SPOCK1: variants seen among roughly 807,000 people sequenced by gnomAD.
The protein encoded by SPOCK1 is SPARC (osteonectin), cwcv and kazal like domains proteoglycan 1.
A neutral mutation model predicts 55.3 loss-of-function variants in SPOCK1; 23 were observed. That is an observed-to-expected ratio of 0.42 (90% confidence interval 0.30 to 0.59). SPOCK1 has a LOEUF of 0.59. Ranked by LOEUF, SPOCK1 falls within the 20% of genes least tolerant of loss-of-function variation. The pLI is 0.22. For missense variants in SPOCK1, 499 were observed against 552.5 expected, an observed-to-expected ratio of 0.90 and a Z score of 0.97; for synonymous variants, 226 against 221.0, an observed-to-expected ratio of 1.02 and a Z score of -0.20.
chr5:136,988,272 A>C (rs1750880718), intron 8 of SPOCK1, 150 bp downstream of exon 8: 1 of 630,734 alleles, frequency 1.6e-6, no homozygotes, highest in Admixed American at 2.9e-5. Context: ...ATAAACTGGA[A>C]GAAATGAGAC....
chr5:137,152,927 T>G (rs1309354776), intron 3 of SPOCK1, among the ~76,000 whole-genome samples: 1 of 152,206 alleles, frequency 6.6e-6, no homozygotes, highest in Non-Finnish European at 1.5e-5. Context: ...AGAATTAGAA[T>G]TTGCCGGAGA....
intron 5 of SPOCK1, among the ~76,000 whole-genome samples, chr5:137,105,766 T>C (rs1753351998): frequency 6.6e-6 from 1 of 152,176 alleles, no homozygotes; most frequent in African/African-American, 2.4e-5. Context: ...AGAGAAACAT[T>C]TTCCTCCACA....
chr5:137,469,287 C>T lies in SPOCK1; in HGVS notation c.186+29086G>A, dbSNP rs369934752. On this transcript the variant is annotated intron_variant, in intron 2 of 10. Transcript: ENST00000394945. ...AACATTTTAACTCAGGAAGGAAACA[C>T]GAATATGTAGTCAGCTTTCCAGAAC... Among the ~76,000 whole-genome samples the T allele has an allele frequency of 1.4e-4, 21 of 152,258 alleles. No homozygotes were observed. In the East Asian group the frequency reaches 1.5e-3, roughly 11 times the overall value.
At chr5:136,993,272 C>CCAGA (rs1461085475) in intron 6 of SPOCK1, 1 of 152,244 alleles carries the variant, frequency 6.6e-6, no homozygotes, top group Non-Finnish European at 1.5e-5. Context: ...ACAAGAAAAT[C>CCAGA]CAGACAGATG....
intron 3 of SPOCK1, among the ~76,000 whole-genome samples, chr5:137,197,411 C>T (rs944849923): frequency 8.5e-5 from 13 of 152,164 alleles, no homozygotes; most frequent in Non-Finnish European, 1.9e-4. Context: ...GGCTATGTGA[C>T]CGTGGACAAG....
At chr5:137,008,218 C>G (rs1751287557) in intron 6 of SPOCK1, among the ~76,000 whole-genome samples, 1 of 151,534 alleles carries the variant, frequency 6.6e-6, no homozygotes, top group Non-Finnish European at 1.5e-5. Flanking sequence ...CAGCAAACCA[C>G]CATGGCACAT....
chr5:137,006,480 G>T (rs923773158), intron 6 of SPOCK1, among the ~76,000 whole-genome samples: 1 of 152,142 alleles, frequency 6.6e-6, no homozygotes, highest in Non-Finnish European at 1.5e-5. Context: ...GTGAATGGGA[G>T]TTTGCTCATG....
intron 2 of SPOCK1, among the ~76,000 whole-genome samples, chr5:137,408,493 C>G (rs1255415657): frequency 2.0e-5 from 3 of 152,190 alleles, no homozygotes; most frequent in Non-Finnish European, 4.4e-5. Flanking sequence ...CCTAAGTGCC[C>G]TTGAAACACA....
intron 6 of SPOCK1, among the ~76,000 whole-genome samples, chr5:137,021,400 ATAGT>A (rs537767545): frequency 2.1e-3 from 322 of 152,344 alleles, no homozygotes; most frequent in Non-Finnish European, 2.9e-3. Flanking sequence ...AGTCAATATG[ATAGT>A]TAGCACGAAA....
At chr5:137,164,853 G>A (rs544289269) in intron 3 of SPOCK1, among the ~76,000 whole-genome samples, 1 of 152,318 alleles carries the variant, frequency 6.6e-6, no homozygotes, top group African/African-American at 2.4e-5. Context: ...GGAGGGAAGA[G>A]TGAGAAGGAC....
intron 2 of SPOCK1, among the ~76,000 whole-genome samples, chr5:137,368,828 G>T (rs1003888279): frequency 2.6e-5 from 4 of 152,116 alleles, no homozygotes; most frequent in Non-Finnish European, 5.9e-5. Context: ...CATGTGGTCC[G>T]CTCCCTTATT....
chr5:137,157,400 A>G (rs1410195524), intron 3 of SPOCK1, among the ~76,000 whole-genome samples: 1 of 152,194 alleles, frequency 6.6e-6, no homozygotes, highest in Non-Finnish European at 1.5e-5. Flanking sequence ...GCATCTGAGT[A>G]ATTAATTTAG....
intron 2 of SPOCK1, among the ~76,000 whole-genome samples, chr5:137,294,382 T>C (rs1757436659): frequency 6.6e-6 from 1 of 152,228 alleles, no homozygotes; most frequent in African/African-American, 2.4e-5. Context: ...TTACGTTTTA[T>C]AGGTGAAGAG....
intron 3 of SPOCK1, among the ~76,000 whole-genome samples, chr5:137,145,491 C>T (rs956826772): frequency 1.1e-4 from 16 of 152,206 alleles, no homozygotes; most frequent in Non-Finnish European, 1.6e-4. Flanking sequence ...CTTGATACCA[C>T]CTCAGAGATG....
At chr5:137,325,796 T>G (rs1309723959) in intron 2 of SPOCK1, among the ~76,000 whole-genome samples, 1 of 152,174 alleles carries the variant, frequency 6.6e-6, no homozygotes, top group African/African-American at 2.4e-5. Context: ...TGATGGGCAG[T>G]GGTAGTTTAC....
At position 137,398,775 on chromosome 5, in the gene SPOCK1, T is replaced by C. The variant is rs543445038; in HGVS notation, c.186+99598A>G. On this transcript the variant is annotated intron_variant, in intron 2 of 10. Coordinates refer to ENST00000394945, the MANE Select transcript of SPOCK1 (RefSeq NM_004598.4). The stretch of plus-strand genomic sequence containing the variant: ...AAGTGATCGATAAAATCTAATACTA[T>C]AACACTTGTTTATTCCTGCAAATGA... Among the ~76,000 whole-genome samples the C allele has an allele frequency of 4.6e-5, 7 of 152,334 alleles. No homozygotes were observed. In the South Asian group the frequency reaches 1.5e-3, roughly 32 times the overall value.
intron 2 of SPOCK1, among the ~76,000 whole-genome samples, chr5:137,410,919 C>G (rs1048146475): frequency 2.6e-5 from 4 of 152,166 alleles, no homozygotes; most frequent in East Asian, 1.9e-4. Flanking sequence ...GAGCACCAAG[C>G]CTTGCAGATG....
chr5:137,078,187 G>T (rs1260369175), intron 5 of SPOCK1, among the ~76,000 whole-genome samples: 1 of 152,184 alleles, frequency 6.6e-6, no homozygotes, highest in Non-Finnish European at 1.5e-5. Flanking sequence ...TCGTTCACAT[G>T]TCTCTCGCCC....
At chr5:137,203,796 G>C (rs985258026) in intron 3 of SPOCK1, among the ~76,000 whole-genome samples, 2 of 152,186 alleles carry the variant, frequency 1.3e-5, no homozygotes, top group African/African-American at 4.8e-5. Context: ...ATGTAAACAA[G>C]AAACTACTTA....
Sources: gnomAD v4.1 joint callset for allele counts (sites outside exome capture counted in the v4.1 genomes callset) on GRCh38, gnomAD v4.1.1 for gene constraint, MANE v1.5 for transcripts, NCBI Gene and HGNC (gene_info 2026-07-23, HGNC 2026-07-21) for gene names.